The following PTPRD variants were observed in gnomAD, a reference collection of about 807,000 sequenced individuals.
PTPRD encodes the protein receptor-type tyrosine-protein phosphatase delta.
In PTPRD, 34 loss-of-function variants were observed where a neutral mutation model predicts 214.5. The observed-to-expected ratio is 0.16, with a 90% CI of 0.12 to 0.21. The LOEUF is 0.21. PTPRD is among the 10% of genes least tolerant of loss of function. PTPRD has a pLI of 1.00. For missense variants in PTPRD, 2,545 were observed against 2,398.7 expected (o/e 1.06, Z -1.27); for synonymous variants, 1,128 against 845.7 (o/e 1.33, Z -5.79).
intron 2 of PTPRD, among the ~76,000 whole-genome samples, chr9:10,482,681 G>C (rs2099108371): frequency 6.6e-6 from 1 of 152,006 alleles, no homozygotes; most frequent in South Asian, 2.1e-4. Context: ...TGACCAAGAT[G>C]AGAATCAAAC....
chr9:10,455,622 C>G (rs943099584), intron 2 of PTPRD, among the ~76,000 whole-genome samples: 1 of 151,728 alleles, frequency 6.6e-6, no homozygotes, highest in African/African-American at 2.4e-5. Context: ...CCCCTTTTGT[C>G]TCTCCCATTC....
At chr9:8,770,852 C>A (rs547087074) in intron 11 of PTPRD, among the ~76,000 whole-genome samples, 1 of 152,066 alleles carries the variant, frequency 6.6e-6, no homozygotes, top group Non-Finnish European at 1.5e-5. Flanking sequence ...ATTCATTGAA[C>A]GGAGTAAAAC....
rs1272978143 is a variant in PTPRD, at chr9:8,929,780, G to GTGTATATATAT, written c.-104+88916_-104+88917insATATATATACA. Among the ~76,000 whole-genome samples, 122 of 82,398 alleles carry GTGTATATATAT rather than the reference G, an allele frequency of 1.5e-3. 12 individuals are homozygous for GTGTATATATAT. The highest frequency in any genetic ancestry group is 4.7e-3 in the African/African-American group (82 of 17,274). The allele number at this position is 82,398 out of a possible 152,430, so 54.1% of individuals were successfully genotyped here. A position where few individuals can be genotyped will look rare whatever the true frequency, so the allele number is the denominator to read the frequency against. ...ATGTATATATATGTGTATATATATGGGTGTGTATATATGTGTGTGTATATA... is the reference window on the plus strand; with the variant it reads ...ATGTATATATATGTGTATATATATGGTGTATATATATGTGTGTATATATGTGTGTGTATATA... On this transcript the variant is annotated intron_variant, in intron 11 of 45. Coordinates refer to ENST00000381196, the MANE Select transcript of PTPRD (RefSeq NM_002839.4).
chr9:8,654,662 A>T (rs2096875474), intron 12 of PTPRD, among the ~76,000 whole-genome samples: 1 of 152,134 alleles, frequency 6.6e-6, no homozygotes, highest in African/African-American at 2.4e-5. Flanking sequence ...ACTTAAATGT[A>T]TTTTCAATTT....
chr9:8,708,691 A>C (rs2098262409), intron 12 of PTPRD, among the ~76,000 whole-genome samples: 1 of 147,352 alleles, frequency 6.8e-6, no homozygotes, highest in African/African-American at 2.4e-5. Context: ...AAAAAAAAAA[A>C]AAAAAAAAAA....
At chr9:8,467,951 A>T (rs1330121086) in intron 31 of PTPRD, among the ~76,000 whole-genome samples, 2 of 151,970 alleles carry the variant, frequency 1.3e-5, no homozygotes, top group Non-Finnish European at 1.5e-5. Flanking sequence ...AACATTCATC[A>T]TGAGTTGTTT....
At chr9:10,297,165 T>C (rs2095702835) in intron 3 of PTPRD, among the ~76,000 whole-genome samples, 1 of 149,844 alleles carries the variant, frequency 6.7e-6, no homozygotes, top group African/African-American at 2.4e-5. Context: ...CTAGGGTACA[T>C]GTGCACCATG....
At chr9:10,368,990 G>C (rs918291750) in intron 2 of PTPRD, among the ~76,000 whole-genome samples, 2 of 151,956 alleles carry the variant, frequency 1.3e-5, no homozygotes. Context: ...ATCTGTTCTG[G>C]GGAATATGTG....
chr9:9,270,176 ACAT>A (rs1367387054), intron 9 of PTPRD, among the ~76,000 whole-genome samples: 1 of 151,208 alleles, frequency 6.6e-6, no homozygotes, highest in East Asian at 2.0e-4. Context: ...GTAAAACAAA[ACAT>A]CACGTTGCAC....
intron 3 of PTPRD, among the ~76,000 whole-genome samples, chr9:10,199,737 A>G (rs2099412085): frequency 6.6e-6 from 1 of 151,956 alleles, no homozygotes; most frequent in Non-Finnish European, 1.5e-5. Context: ...AACCCACCCA[A>G]GTCTGATTCC....
At chr9:9,482,142 G>A (rs1449464334) in intron 8 of PTPRD, among the ~76,000 whole-genome samples, 2 of 151,884 alleles carry the variant, frequency 1.3e-5, no homozygotes, top group African/African-American at 4.8e-5. Context: ...GGGCGAGGTT[G>A]GGAGAGTAAG....
At position 9,624,864 on chromosome 9, in the gene PTPRD, T is replaced by G. The variant is rs139638867; in HGVS notation, c.-286-50083A>C. ...AAAAAGTGGGGGTTTTAGAGTCAAA[T>G]GTAGCTGCGATTAATCTGTTGGTTA... On this transcript the variant is annotated intron_variant, in intron 7 of 45. Transcript: ENST00000381196. Among the ~76,000 whole-genome samples, 831 of 149,890 alleles carry G rather than the reference T, an allele frequency of 5.5e-3. 7 individuals carry two copies. The highest frequency in any genetic ancestry group is 0.02 in the African/African-American group (801 of 40,754).
intron 11 of PTPRD, among the ~76,000 whole-genome samples, chr9:8,805,197 A>G (rs1374281619): frequency 6.6e-6 from 1 of 152,244 alleles, no homozygotes; most frequent in Admixed American, 6.5e-5. Context: ...ACTTAATTTC[A>G]TAACAATTCT....
At chr9:9,961,754 G>A (rs1227656211) in intron 4 of PTPRD, among the ~76,000 whole-genome samples, 1 of 152,006 alleles carries the variant, frequency 6.6e-6, no homozygotes, top group South Asian at 2.1e-4. Flanking sequence ...TACGGTGCTT[G>A]GCAAACATGA....
chr9:10,529,541 G>A (rs79315641), intron 2 of PTPRD, among the ~76,000 whole-genome samples: 1 of 150,090 alleles, frequency 6.7e-6, no homozygotes, highest in South Asian at 2.1e-4. Context: ...GGCACAGGGA[G>A]GGGAACATCA....
intron 9 of PTPRD, among the ~76,000 whole-genome samples, chr9:9,375,853 G>A (rs1266355524): frequency 6.6e-6 from 1 of 152,030 alleles, no homozygotes. Context: ...AAAAAGTCCA[G>A]GAATGGATAA....
In PTPRD at chr9:8,707,595, G is replaced by C. The variant is rs116717253; in HGVS notation, c.64+26185C>G. ...CAGACAAGAAGCAGGCAGTTAGGGAGGTGAGTAGTCTAAGTTCTAGTTTTT... is the reference window on the plus strand; with the variant it reads ...CAGACAAGAAGCAGGCAGTTAGGGACGTGAGTAGTCTAAGTTCTAGTTTTT... On this transcript the variant is annotated intron_variant, in intron 12 of 45. Transcript: ENST00000381196. Among the ~76,000 whole-genome samples the C allele has an allele frequency of 2.2e-3, 328 of 152,314 alleles. 1 individual carries two copies. Among genetic ancestry groups the C allele is most frequent in the African/African-American group, 7.7e-3 (321 of 41,564 alleles).
intron 9 of PTPRD, among the ~76,000 whole-genome samples, chr9:9,311,275 G>C (rs1467328971): frequency 6.6e-6 from 1 of 152,124 alleles, no homozygotes; most frequent in East Asian, 1.9e-4. Context: ...TGTTGAGCAG[G>C]CACCCATGTC....
chr9:8,663,362 G>A (rs1223573109), intron 12 of PTPRD, among the ~76,000 whole-genome samples: 1 of 147,840 alleles, frequency 6.8e-6, no homozygotes, highest in Non-Finnish European at 1.5e-5. Flanking sequence ...TTAAAATTTT[G>A]GTTAACTTTT....
Sources: gnomAD v4.1 joint callset for allele counts (sites outside exome capture counted in the v4.1 genomes callset) on GRCh38, gnomAD v4.1.1 for gene constraint, MANE v1.5 for transcripts, NCBI Gene and HGNC (gene_info 2026-07-23, HGNC 2026-07-21) for gene names.